Variants in DNAH12 observed in about 807,000 individuals in gnomAD.
The protein encoded by DNAH12 is axonemal beta dynein heavy chain 12.
A neutral mutation model predicts 371.5 loss-of-function variants in DNAH12; 285 were observed. The ratio of observed to expected loss-of-function variants is 0.77; its 90% confidence interval spans 0.70 to 0.85. The LOEUF (loss-of-function observed/expected upper bound fraction) is 0.85. Among genes scored for constraint, DNAH12 ranks in the 40% least tolerant of loss-of-function variants. DNAH12 has a pLI of 0.00. For synonymous variants in DNAH12, 1,200 were observed against 1,213.0 expected (o/e 0.99, Z 0.22); for missense variants, 3,611 against 3,689.4 (o/e 0.98, Z 0.55).
At chr3:57,377,911 G>A (rs2063313991) in intron 52 of DNAH12, among the ~76,000 whole-genome samples, 2 of 152,130 alleles carry the variant, frequency 1.3e-5, no homozygotes, top group East Asian at 3.9e-4. Context: ...GAGAGAGTGT[G>A]TGCCTGTTAG....
At chr3:57,492,418 C>T (rs1030967475) in intron 11 of DNAH12, among the ~76,000 whole-genome samples, 3 of 151,354 alleles carry the variant, frequency 2.0e-5, no homozygotes, top group African/African-American at 7.3e-5. Context: ...CGAGATTGCA[C>T]CATTGCACTC....
At chr3:57,453,633 G>C (rs907457185) in intron 23 of DNAH12, among the ~76,000 whole-genome samples, 2 of 151,856 alleles carry the variant, frequency 1.3e-5, no homozygotes, top group African/African-American at 4.8e-5. Flanking sequence ...GGCTGCGGTG[G>C]TGGGATCTCG....
In DNAH12 at chr3:57,507,843, T is replaced by A. The variant is rs1300576336; in HGVS notation, c.702-5A>T. On this transcript the variant is annotated splice_polypyrimidine_tract_variant and splice_region_variant and intron_variant, in intron 7 of 73. Coordinates refer to ENST00000495027, the MANE Select transcript of DNAH12 (RefSeq NM_001366028.2). ...CAGTCAATTGGACCTTTAGCTCTATTTATGAGAAAAAGAAATGTGATTTGA... is the reference window on the plus strand; with the variant it reads ...CAGTCAATTGGACCTTTAGCTCTATATATGAGAAAAAGAAATGTGATTTGA... 1 of 1,560,692 alleles carries A rather than the reference T, an allele frequency of 6.4e-7. No homozygotes were observed. Among genetic ancestry groups the A allele is most frequent in the Admixed American group, 2.3e-5 (1 of 43,772 alleles).
At chr3:57,490,435 A>AT (rs2067077350) in intron 11 of DNAH12, among the ~76,000 whole-genome samples, 2 of 152,310 alleles carry the variant, frequency 1.3e-5, no homozygotes, top group African/African-American at 2.4e-5. Flanking sequence ...CACTGGGGTA[A>AT]TTTTTTAAAA....
At chr3:57,302,529 G>T (rs2061368729) in intron 69 of DNAH12, among the ~76,000 whole-genome samples, 3 of 47,854 alleles carry the variant, frequency 6.3e-5, no homozygotes, top group African/African-American at 1.7e-4. Context: ...GGCATCAGGT[G>T]TATATATATA....
intron 60 of DNAH12, among the ~76,000 whole-genome samples, chr3:57,338,654 C>T (rs1487064525): frequency 1.4e-5 from 2 of 146,398 alleles, no homozygotes; most frequent in Non-Finnish European, 3.0e-5. Flanking sequence ...GTGAGGAGCG[C>T]CTCTGCCCGG....
chr3:57,336,633 G>C (rs572678851), intron 60 of DNAH12, among the ~76,000 whole-genome samples: 1 of 152,042 alleles, frequency 6.6e-6, no homozygotes, highest in African/African-American at 2.4e-5. Flanking sequence ...AAAGAATAAA[G>C]AACAATAGAA....
At chr3:57,328,116 G>T (rs1283523099) in intron 62 of DNAH12, among the ~76,000 whole-genome samples, 1 of 135,394 alleles carries the variant, frequency 7.4e-6, no homozygotes, top group African/African-American at 2.8e-5. Flanking sequence ...ATTCACAGCC[G>T]AATTCTACCA....
chr3:57,354,442 T>G (rs1362529125), intron 59 of DNAH12, among the ~76,000 whole-genome samples: 1 of 150,822 alleles, frequency 6.6e-6, no homozygotes, highest in Non-Finnish European at 1.5e-5. Flanking sequence ...TAACCCCCTG[T>G]GACATGTAGT....
intron 67 of DNAH12, among the ~76,000 whole-genome samples, chr3:57,310,057 T>A (rs1469452740): frequency 6.6e-6 from 1 of 152,330 alleles, no homozygotes; most frequent in Non-Finnish European, 1.5e-5. Flanking sequence ...TTTTGACTTG[T>A]AGCATACATT....
intron 17 of DNAH12, among the ~76,000 whole-genome samples, chr3:57,463,141 G>A (rs1260832440): frequency 1.3e-5 from 2 of 152,152 alleles, no homozygotes; most frequent in East Asian, 3.9e-4. Context: ...AGGCACAATG[G>A]TTCATGCCTG....
intron 2 of DNAH12, chr3:57,536,273 A>C (rs1198242026): frequency 6.6e-6 from 1 of 152,158 alleles, no homozygotes; most frequent in Non-Finnish European, 1.5e-5. Context: ...ACACCTCACA[A>C]ATTTGTATGT....
chr3:57,509,308 C>A, intron 5 of DNAH12, 96 bp from the exon 6 acceptor site: 1 of 1,158,510 alleles, frequency 8.6e-7, no homozygotes, highest in Non-Finnish European at 1.2e-6. Flanking sequence ...GTATAGTTTA[C>A]TGTGCATTAA....
At chr3:57,427,450 G>A (rs987039709) in intron 34 of DNAH12, among the ~76,000 whole-genome samples, 1 of 151,978 alleles carries the variant, frequency 6.6e-6, no homozygotes, top group Non-Finnish European at 1.5e-5. Context: ...ACTTTGGGAG[G>A]CCAAGGTGGG....
At chr3:57,545,223 A>C (rs1434654977), upstream of DNAH12, among the ~76,000 whole-genome samples, 1 of 150,216 alleles carries the variant, frequency 6.7e-6, no homozygotes, top group Non-Finnish European at 1.5e-5. Context: ...TGCTCACCAC[A>C]ACCTCCACCT....
chr3:57,334,857 T>A lies in DNAH12; in HGVS notation c.9758A>T (p.Asp3253Val). ...GCTTTTGTCCTGTAGCCAAGTTGGATCAGGATTTTTCTCAGCACTTTTAAG... is the reference window on the plus strand; with the variant it reads ...GCTTTTGTCCTGTAGCCAAGTTGGAACAGGATTTTTCTCAGCACTTTTAAG... ...VSLKSAEKNP[D>V]PTWLQDKSWE... Residue 3253 changes from aspartate to valine, a missense_variant, in exon 61 of 74, where the codon GAT becomes GTT. Asp to Val is a radical substitution (Grantham distance 152). Coordinates refer to ENST00000495027, the MANE Select transcript of DNAH12 (RefSeq NM_001366028.2). The A allele has an allele frequency of 6.4e-7, 1 of 1,551,964 alleles. No homozygotes were observed. The highest frequency in any genetic ancestry group is 1.2e-5 in the South Asian group (1 of 84,058).
At chr3:57,482,731 A>G (rs2066787194) in intron 13 of DNAH12, among the ~76,000 whole-genome samples, 1 of 152,028 alleles carries the variant, frequency 6.6e-6, no homozygotes. Context: ...ACCATGGAAT[A>G]CTATGCAGCC....
rs1173934000 is a variant in DNAH12 at position 57,389,796 on chromosome 3, ATATG to A, written c.7305+2072_7305+2075del. ...TATATACATATAAATATATATACAC[ATATG>A]TGTGTGTGTGTGTGTGTGTGTGTAT... is the stretch of plus-strand genomic sequence containing the variant. On this transcript the variant is annotated intron_variant, in intron 45 of 73. Coordinates refer to ENST00000495027, the MANE Select transcript of DNAH12 (RefSeq NM_001366028.2). Among the ~76,000 whole-genome samples the A allele has an allele frequency of 1.6e-4, 13 of 78,812 alleles. No homozygotes were observed. In the East Asian group the frequency reaches 0.011, roughly 68 times the overall value. 51.7% of individuals were successfully genotyped at this position (78,812 alleles called of 152,430 possible).
intron 25 of DNAH12, among the ~76,000 whole-genome samples, chr3:57,448,282 C>T (rs981630919): frequency 6.6e-6 from 1 of 151,846 alleles, no homozygotes; most frequent in South Asian, 2.1e-4. Context: ...GTCTCGCTGG[C>T]TCAGGAGTGA....
Sources: gnomAD v4.1 joint callset for allele counts (sites outside exome capture counted in the v4.1 genomes callset) on GRCh38, gnomAD v4.1.1 for gene constraint, MANE v1.5 for transcripts, NCBI Gene and HGNC (gene_info 2026-07-23, HGNC 2026-07-21) for gene names.